Variants in SAMD5 observed in about 807,000 individuals in gnomAD.
SAMD5 encodes sterile alpha motif domain containing 5.
A neutral mutation model predicts 11.3 loss-of-function variants in SAMD5; 13 were observed. That is an observed-to-expected ratio of 1.15 (90% CI 0.75 to 1.83). The LOEUF (loss-of-function observed/expected upper bound fraction) is 1.83, where lower values mean the gene tolerates loss of function less well. SAMD5 is among the 40% of genes most tolerant of loss of function. The pLI is 0.00. For synonymous variants in SAMD5, 129 were observed against 111.3 expected (o/e 1.16, Z -1.00); for missense variants, 255 against 239.1 (o/e 1.07, Z -0.44).
the SAMD5 span, among the ~76,000 whole-genome samples, chr6:147,890,248 TAACA>T: frequency 6.6e-6 from 1 of 151,472 alleles, no homozygotes; most frequent in Admixed American, 6.6e-5. Context: ...CCCAAGATAA[TAACA>T]GTCAAATTCA....
At chr6:147,574,218 A>AT (rs1453169256), downstream of SAMD5, among the ~76,000 whole-genome samples, 1 of 152,174 alleles carries the variant, frequency 6.6e-6, no homozygotes, top group Admixed American at 6.5e-5. Flanking sequence ...AAAAAAATTA[A>AT]TATGTGCCCA....
chr6:147,865,245 T>A, the SAMD5 span, among the ~76,000 whole-genome samples: 1 of 151,902 alleles, frequency 6.6e-6, no homozygotes, highest in Non-Finnish European at 1.5e-5. Context: ...GATGTGTGTG[T>A]GTGTGTATGT....
At chr6:147,785,967 C>T in the SAMD5 span, among the ~76,000 whole-genome samples, 2 of 152,114 alleles carry the variant, frequency 1.3e-5, no homozygotes, top group African/African-American at 2.4e-5. Flanking sequence ...ATTCTCCTGG[C>T]GGTTCTTGCA....
chr6:147,947,212 G>A, the SAMD5 span, among the ~76,000 whole-genome samples: 2 of 152,014 alleles, frequency 1.3e-5, no homozygotes, highest in African/African-American at 4.8e-5. Flanking sequence ...GCCTGTGGTT[G>A]TATGTTACAG....
At chr6:147,856,828 G>C in the SAMD5 span, among the ~76,000 whole-genome samples, 6 of 148,406 alleles carry the variant, frequency 4.0e-5, no homozygotes, top group Admixed American at 1.3e-4. Context: ...GCGCGGGGGG[G>C]GGGGGAAGCT....
chr6:147,595,996 G>A (rs1789526425), intron 1 of SAMD5, among the ~76,000 whole-genome samples: 1 of 152,116 alleles, frequency 6.6e-6, no homozygotes, highest in Non-Finnish European at 1.5e-5. Context: ...CATAGATTGT[G>A]CTAGCCAGGG....
At chr6:147,623,843 G>C (rs574796716) in intron 1 of SAMD5, among the ~76,000 whole-genome samples, 1 of 152,094 alleles carries the variant, frequency 6.6e-6, no homozygotes, top group South Asian at 2.1e-4. Flanking sequence ...TTATTTCCTG[G>C]ATCAGTTTAT....
At chr6:147,844,497 G>C in the SAMD5 span, among the ~76,000 whole-genome samples, 65,156 of 151,890 alleles carry the variant, frequency 0.43, 16,137 homozygotes, top group African/African-American at 0.7. Flanking sequence ...GGCATACACC[G>C]AAGGGAATTG....
At chr6:147,845,911 AAAAC>A in the SAMD5 span, among the ~76,000 whole-genome samples, 1 of 152,174 alleles carries the variant, frequency 6.6e-6, no homozygotes, top group African/African-American at 2.4e-5. Context: ...TGTTCACACA[AAAAC>A]AAAGCATGGA....
At chr6:147,607,029 G>A (rs1434040476) in intron 1 of SAMD5, among the ~76,000 whole-genome samples, 4 of 151,104 alleles carry the variant, frequency 2.6e-5, no homozygotes, top group Non-Finnish European at 4.4e-5. Flanking sequence ...AAGTAGCAAG[G>A]CTAACTCCAG....
At chr6:147,655,237 A>G (rs2128453767) in intron 1 of SAMD5, among the ~76,000 whole-genome samples, 1 of 152,344 alleles carries the variant, frequency 6.6e-6, no homozygotes, top group East Asian at 1.9e-4. Flanking sequence ...CAGGCTTAAC[A>G]TGTAAGTGTA....
chr6:147,635,664 T>C (rs953802128), intron 1 of SAMD5, among the ~76,000 whole-genome samples: 8 of 152,222 alleles, frequency 5.3e-5, no homozygotes, highest in African/African-American at 1.9e-4. Flanking sequence ...AATGGAATAA[T>C]AGGAGACATC....
At chr6:147,525,928 C>T (rs1319890765) in intron 1 of SAMD5, among the ~76,000 whole-genome samples, 1 of 152,154 alleles carries the variant, frequency 6.6e-6, no homozygotes, top group African/African-American at 2.4e-5. Context: ...CCAAACTAAT[C>T]TTCAATTTCA....
the SAMD5 span, among the ~76,000 whole-genome samples, chr6:147,905,011 C>T: frequency 6.6e-6 from 1 of 151,718 alleles, no homozygotes; most frequent in Non-Finnish European, 1.5e-5. Context: ...GCCTCAGCCT[C>T]GTGAGTAGCT....
At chr6:147,691,965 GATGT>G (rs1791109595) in intron 1 of SAMD5, among the ~76,000 whole-genome samples, 1 of 111,224 alleles carries the variant, frequency 9.0e-6, no homozygotes, top group Non-Finnish European at 1.9e-5. Context: ...CTATAAGTAG[GATGT>G]ATGTGACACA....
intron 1 of SAMD5, among the ~76,000 whole-genome samples, chr6:147,557,941 CT>C (rs1256980107): frequency 6.6e-6 from 1 of 152,128 alleles, no homozygotes; most frequent in Non-Finnish European, 1.5e-5. Flanking sequence ...ATCACATTGG[CT>C]TGTGGTAAGC....
At chr6:147,563,074 T>C (rs1788980305) in intron 1 of SAMD5, among the ~76,000 whole-genome samples, 2 of 152,202 alleles carry the variant, frequency 1.3e-5, no homozygotes. Context: ...TAGGATATCG[T>C]TACTTAGTAT....
At chr6:147,531,958 A>G (rs868008773) in intron 1 of SAMD5, among the ~76,000 whole-genome samples, 5 of 152,124 alleles carry the variant, frequency 3.3e-5, no homozygotes, top group Non-Finnish European at 5.9e-5. Context: ...ATACTGAAAA[A>G]TTTTGTAGAA....
chr6:147,933,962 C>T, the SAMD5 span, among the ~76,000 whole-genome samples: 1 of 152,226 alleles, frequency 6.6e-6, no homozygotes, highest in Non-Finnish European at 1.5e-5. Flanking sequence ...TAATACTGCT[C>T]TTTAAAGGTC....
Sources: gnomAD v4.1 joint callset for allele counts (sites outside exome capture counted in the v4.1 genomes callset) on GRCh38, gnomAD v4.1.1 for gene constraint, MANE v1.5 for transcripts, NCBI Gene and HGNC (gene_info 2026-07-23, HGNC 2026-07-21) for gene names.